TNR: variants seen among roughly 807,000 people sequenced by gnomAD.
TNR encodes the protein tenascin-R.
In TNR, 45 loss-of-function variants were observed where a neutral mutation model predicts 150.4. That is an observed-to-expected ratio of 0.30 (90% CI 0.24 to 0.38). The LOEUF (loss-of-function observed/expected upper bound fraction) is 0.38. TNR is among the 10% of genes least tolerant of loss of function. The pLI, the probability that TNR is intolerant of heterozygous loss-of-function variation, is 1.00. For missense variants in TNR, 1,544 were observed against 1,759.1 expected, an observed-to-expected ratio of 0.88 and a Z score of 2.19; for synonymous variants, 687 against 678.4, an observed-to-expected ratio of 1.01 and a Z score of -0.20.
At chr1:175,457,507 C>T (rs999283681) in intron 2 of TNR, among the ~76,000 whole-genome samples, 1 of 152,214 alleles carries the variant, frequency 6.6e-6, no homozygotes, top group African/African-American at 2.4e-5. Context: ...AGATAAGATG[C>T]TCTGTTACTC....
chr1:175,648,181 G>A (rs948396935), intron 1 of TNR, among the ~76,000 whole-genome samples: 5 of 152,020 alleles, frequency 3.3e-5, no homozygotes, highest in Non-Finnish European at 4.4e-5. Context: ...AGCTGTCACC[G>A]TCCCTAACGA....
chr1:175,509,351 A>C (rs1659076214), intron 2 of TNR, among the ~76,000 whole-genome samples: 1 of 151,362 alleles, frequency 6.6e-6, no homozygotes, highest in Non-Finnish European at 1.5e-5. Flanking sequence ...TCGAATTGCT[A>C]GATGGGAGAG....
chr1:175,552,627 G>A (rs1203195802), intron 1 of TNR, among the ~76,000 whole-genome samples: 2 of 152,112 alleles, frequency 1.3e-5, no homozygotes, highest in African/African-American at 4.8e-5. Flanking sequence ...GTAAGGCAAG[G>A]GGAAATACGG....
chr1:175,665,087 A>G (rs1004762263), intron 1 of TNR, among the ~76,000 whole-genome samples: 4 of 152,228 alleles, frequency 2.6e-5, no homozygotes, highest in African/African-American at 7.2e-5. Flanking sequence ...CTTGGTCTCA[A>G]CGTTAGCCAG....
intron 2 of TNR, among the ~76,000 whole-genome samples, chr1:175,425,739 A>G (rs1347452602): frequency 6.6e-6 from 1 of 152,186 alleles, no homozygotes; most frequent in African/African-American, 2.4e-5. Flanking sequence ...ATTTGCAAAG[A>G]GTAGCATTTT....
chr1:175,662,445 G>C (rs1571727114), intron 1 of TNR, among the ~76,000 whole-genome samples: 1 of 152,138 alleles, frequency 6.6e-6, no homozygotes, highest in East Asian at 1.9e-4. Flanking sequence ...GGTGTTGCCT[G>C]TGTGTAAGTC....
At chr1:175,384,557 GC>G (rs1372220113) in intron 8 of TNR, among the ~76,000 whole-genome samples, 1 of 152,200 alleles carries the variant, frequency 6.6e-6, no homozygotes, top group Non-Finnish European at 1.5e-5. Context: ...TAAGGGGGAA[GC>G]TTTTCCCTGC....
chr1:175,710,757 A>G (rs1666989711), intron 1 of TNR, among the ~76,000 whole-genome samples: 1 of 151,872 alleles, frequency 6.6e-6, no homozygotes, highest in African/African-American at 2.4e-5. Context: ...ACTCCCTTCT[A>G]TTTACCTTTC....
chr1:175,644,796 G>C (rs1331190620), intron 1 of TNR, among the ~76,000 whole-genome samples: 1 of 152,262 alleles, frequency 6.6e-6, no homozygotes, highest in Admixed American at 6.5e-5. Context: ...GCTGTGGCAT[G>C]CTGGGAGTTC....
At chr1:175,402,379 ACTGTTGGG>A (rs1653754801) in intron 4 of TNR, among the ~76,000 whole-genome samples, 1 of 137,490 alleles carries the variant, frequency 7.3e-6, no homozygotes. Context: ...TTTTTTTCTC[ACTGTTGGG>A]TTTAGATCCC....
chr1:175,446,840 T>A (rs557364237), intron 2 of TNR, among the ~76,000 whole-genome samples: 11 of 152,204 alleles, frequency 7.2e-5, no homozygotes, highest in African/African-American at 2.7e-4. Flanking sequence ...TGCCTTGGAC[T>A]TTTGTTGTGT....
chr1:175,445,052 T>C (rs859463), intron 2 of TNR, among the ~76,000 whole-genome samples: 78,767 of 151,992 alleles, frequency 0.52, 22,073 homozygotes, highest in African/African-American at 0.74. Context: ...GGGCGGATCA[T>C]AAGGTTAGGA....
chr1:175,669,060 C>T (rs1202241385), intron 1 of TNR, among the ~76,000 whole-genome samples: 1 of 152,178 alleles, frequency 6.6e-6, no homozygotes, highest in Non-Finnish European at 1.5e-5. Flanking sequence ...TCCCCAGAGG[C>T]CCTCCTCCTT....
chr1:175,417,882 G>A (rs859471), intron 2 of TNR, among the ~76,000 whole-genome samples: 60,285 of 151,952 alleles, frequency 0.4, 12,518 homozygotes, highest in African/African-American at 0.51. Context: ...ATAGCCATTC[G>A]TTTCTTCAGA....
chr1:175,678,224 A>C (rs1665922673), intron 1 of TNR, among the ~76,000 whole-genome samples: 1 of 152,094 alleles, frequency 6.6e-6, no homozygotes, highest in Non-Finnish European at 1.5e-5. Flanking sequence ...TGAGTACCCC[A>C]TGGAAGGTGG....
Position 175,665,297 on chromosome 1 carries a change from C to A in TNR, c.-165+77929G>T, listed in dbSNP as rs1347728367. On this transcript the variant is annotated intron_variant, in intron 1 of 22. Coordinates refer to ENST00000367674, the MANE Select transcript of TNR (RefSeq NM_003285.3). ...GGTATACTAATTCTGTGGCCCAAACCCATGCTCTCTGTGAGCTGGTTTTCC... is the reference window on the plus strand; with the variant it reads ...GGTATACTAATTCTGTGGCCCAAACACATGCTCTCTGTGAGCTGGTTTTCC... 3.9e-5 allele frequency among the ~76,000 whole-genome samples: 6 copies of A among 152,196 alleles called. No individual in the cohort carries two copies. In the East Asian group the frequency reaches 9.7e-4, roughly 25 times the overall value.
At chr1:175,641,170 C>T (rs1198398079) in intron 1 of TNR, among the ~76,000 whole-genome samples, 5 of 152,120 alleles carry the variant, frequency 3.3e-5, no homozygotes, top group African/African-American at 9.7e-5. Context: ...AGGAAAACAA[C>T]GCATCTTAAA....
At chr1:175,379,136 A>ATGTG (rs1652544401) in intron 9 of TNR, among the ~76,000 whole-genome samples, 1 of 149,888 alleles carries the variant, frequency 6.7e-6, no homozygotes, top group South Asian at 2.1e-4. Flanking sequence ...CCAAGATCAC[A>ATGTG]CCACTGCACT....
intron 2 of TNR, among the ~76,000 whole-genome samples, chr1:175,469,942 G>A (rs906444374): frequency 2.0e-5 from 3 of 152,032 alleles, no homozygotes; most frequent in African/African-American, 7.3e-5. Flanking sequence ...GGATGGAAAG[G>A]GTGAATGCAA....
Sources: allele counts gnomAD v4.1 joint callset (sites outside exome capture counted in the v4.1 genomes callset), GRCh38; gene constraint gnomAD v4.1.1; transcripts MANE v1.5; gene names NCBI Gene and HGNC (gene_info 2026-07-23, HGNC 2026-07-21).